PID1: variants seen among roughly 807,000 people sequenced by gnomAD.
PID1 encodes the protein PTB-containing, cubilin and LRP1-interacting protein.
Under a neutral mutation model 19.1 loss-of-function variants are expected in PID1, and 10 were observed. That is an observed-to-expected ratio of 0.52 (90% CI 0.32 to 0.89). PID1 has a LOEUF of 0.89. Ranked by LOEUF, PID1 falls within the 40% of genes least tolerant of loss-of-function variation. The pLI is 0.03. For synonymous variants in PID1, 130 were observed against 116.0 expected, an observed-to-expected ratio of 1.12 and a Z score of -0.78; for missense variants, 248 against 285.3, an observed-to-expected ratio of 0.87 and a Z score of 0.94.
intron 1 of PID1, among the ~76,000 whole-genome samples, chr2:229,202,459 C>T (rs1199152995): frequency 6.6e-6 from 1 of 151,968 alleles, no homozygotes; most frequent in Non-Finnish European, 1.5e-5. Context: ...CATTCCATTC[C>T]TATAGAATGA....
At chr2:229,104,406 G>A (rs760848170) in intron 2 of PID1, among the ~76,000 whole-genome samples, 14 of 152,098 alleles carry the variant, frequency 9.2e-5, no homozygotes, top group Non-Finnish European at 1.8e-4. Context: ...AATTATAGAG[G>A]GATGTTAAGC....
At chr2:229,153,069 A>G (rs1047978287) in intron 2 of PID1, among the ~76,000 whole-genome samples, 1 of 152,194 alleles carries the variant, frequency 6.6e-6, no homozygotes, top group African/African-American at 2.4e-5. Flanking sequence ...TCAGAGAGGA[A>G]ACACTGGACT....
At chr2:229,270,930 A>G (rs746618890) in intron 1 of PID1, 84 bp downstream of exon 1, 94 of 1,299,000 alleles carry the variant, frequency 7.2e-5, no homozygotes, top group Non-Finnish European at 9.6e-5. Context: ...CAAATCCCCT[A>G]AAGTAGGCAG....
intron 1 of PID1, chr2:229,262,609 G>A (rs1690488330): frequency 6.6e-7 from 1 of 1,511,070 alleles, no homozygotes; most frequent in Admixed American, 2.1e-5. Context: ...CACTGGTGTA[G>A]TAGCTACCTA....
intron 1 of PID1, among the ~76,000 whole-genome samples, chr2:229,199,720 T>TTATATA (rs55942947): frequency 0.043 from 5,724 of 131,964 alleles, 156 homozygotes; most frequent in Non-Finnish European, 0.057. Context: ...AATATCTAAT[T>TTATATA]TATATATATA....
intron 1 of PID1, among the ~76,000 whole-genome samples, chr2:229,248,437 G>A (rs1396316981): frequency 1.3e-5 from 2 of 152,198 alleles, no homozygotes; most frequent in East Asian, 3.8e-4. Flanking sequence ...CTTTGTCTAA[G>A]TTAATTTCTT....
chr2:229,227,158 C>T lies in PID1; in HGVS notation c.30+43856G>A, dbSNP rs115211092. 8.9e-3 allele frequency among the ~76,000 whole-genome samples: 1,360 copies of T among 152,288 alleles called. 19 individuals carry two copies. The highest frequency in any genetic ancestry group is 0.03 in the African/African-American group (1,248 of 41,558). ...AAGGACTTGACCTCCCAAATGTCAA[C>T]CTTCCTCTCCTCGATAACTCAGATG... On this transcript the variant is annotated intron_variant, in intron 1 of 2. Transcript: ENST00000392055.
intron 2 of PID1, among the ~76,000 whole-genome samples, chr2:229,073,012 G>A (rs1324420679): frequency 2.0e-5 from 3 of 152,138 alleles, no homozygotes; most frequent in Admixed American, 6.6e-5. Flanking sequence ...CACAAACTGG[G>A]TAATTGCTGC....
At chr2:229,254,904 T>G (rs1227833839) in intron 1 of PID1, among the ~76,000 whole-genome samples, 1 of 152,234 alleles carries the variant, frequency 6.6e-6, no homozygotes, top group Non-Finnish European at 1.5e-5. Context: ...TTTCTGCTAC[T>G]GCAGAAATAA....
intron 1 of PID1, among the ~76,000 whole-genome samples, chr2:229,197,377 C>T (rs951637346): frequency 1.3e-5 from 2 of 151,916 alleles, no homozygotes; most frequent in Non-Finnish European, 2.9e-5. Flanking sequence ...GGAAATCACA[C>T]CTTCTATCCA....
At chr2:229,100,343 T>G (rs1454357900) in intron 2 of PID1, among the ~76,000 whole-genome samples, 1 of 152,224 alleles carries the variant, frequency 6.6e-6, no homozygotes, top group Non-Finnish European at 1.5e-5. Flanking sequence ...TAATTCCCTA[T>G]GCTAATTTAA....
intron 1 of PID1, chr2:229,231,814 C>A: frequency 6.7e-7 from 1 of 1,498,082 alleles, no homozygotes; most frequent in East Asian, 2.5e-5. Flanking sequence ...TTTACCAAAC[C>A]TACTTCCCAC....
intron 2 of PID1, among the ~76,000 whole-genome samples, chr2:229,116,956 C>G (rs1695422458): frequency 6.6e-6 from 1 of 152,108 alleles, no homozygotes; most frequent in Non-Finnish European, 1.5e-5. Context: ...TAATGCACAT[C>G]TTAAGAAGCC....
intron 2 of PID1, among the ~76,000 whole-genome samples, chr2:229,115,707 C>T (rs1695397161): frequency 6.6e-6 from 1 of 152,162 alleles, no homozygotes. Flanking sequence ...ACAATACTGA[C>T]ACACCAGGTG....
chr2:229,120,885 G>A (rs1029692838), intron 2 of PID1, among the ~76,000 whole-genome samples: 3 of 152,010 alleles, frequency 2.0e-5, no homozygotes, highest in African/African-American at 7.3e-5. Context: ...GTTCCCAGGA[G>A]AGGCAGTTGT....
intron 1 of PID1, among the ~76,000 whole-genome samples, chr2:229,167,421 C>T (rs535025660): frequency 1.1e-3 from 165 of 152,212 alleles, no homozygotes; most frequent in African/African-American, 3.5e-3. Flanking sequence ...AAGGTTACAA[C>T]GCCACTTCTG....
intron 2 of PID1, among the ~76,000 whole-genome samples, chr2:229,034,757 A>G (rs190598318): frequency 0.013 from 1,906 of 149,652 alleles, 47 homozygotes; most frequent in African/African-American, 0.041. Flanking sequence ...TTTATTGTGT[A>G]TATATATATA....
At chr2:229,138,757 C>A (rs1321146638) in intron 2 of PID1, among the ~76,000 whole-genome samples, 1 of 151,766 alleles carries the variant, frequency 6.6e-6, no homozygotes, top group Non-Finnish European at 1.5e-5. Flanking sequence ...TATTTCACTT[C>A]CTGGACCGAA....
intron 2 of PID1, among the ~76,000 whole-genome samples, chr2:229,130,944 T>A (rs550369391): frequency 5.9e-5 from 9 of 152,312 alleles, no homozygotes; most frequent in African/African-American, 2.2e-4. Flanking sequence ...GTAACTCCAA[T>A]CTTCACATGA....
Sources: gnomAD v4.1 joint callset for allele counts (sites outside exome capture counted in the v4.1 genomes callset) on GRCh38, gnomAD v4.1.1 for gene constraint, MANE v1.5 for transcripts, NCBI Gene and HGNC (gene_info 2026-07-23, HGNC 2026-07-21) for gene names.